Variants in CLK1 observed in about 807,000 individuals in gnomAD.
CLK1 encodes CDC like kinase 1, also known as dual specificity protein kinase CLK1.
A neutral mutation model predicts 60.9 loss-of-function variants in CLK1; 40 were observed. The ratio of observed to expected loss-of-function variants is 0.66; its 90% confidence interval spans 0.51 to 0.86. The LOEUF is 0.86. Ranked by LOEUF, CLK1 falls within the 40% of genes least tolerant of loss-of-function variation. The probability of loss-of-function intolerance (pLI) is 0.00; values close to 1 mark genes in which losing one functional copy is unlikely to be tolerated. For missense variants in CLK1, 563 were observed against 606.1 expected, an observed-to-expected ratio of 0.93 and a Z score of 0.75; for synonymous variants, 203 against 184.4, an observed-to-expected ratio of 1.10 and a Z score of -0.82.
chr2:200,855,407 G>A (rs2039021925), intron 9 of CLK1, among the ~76,000 whole-genome samples: 1 of 152,042 alleles, frequency 6.6e-6, no homozygotes, highest in Non-Finnish European at 1.5e-5. Context: ...TGGAACACGA[G>A]GGCAGGAGAT....
At chr2:200,860,902 C>T (rs905952588) in intron 3 of CLK1, 46 of 1,092,444 alleles carry the variant, frequency 4.2e-5, no homozygotes, top group Non-Finnish European at 3.5e-5. Context: ...TTTGTGATTT[C>T]AATAGATCAA....
chr2:200,854,582 G>T, intron 11 of CLK1, 34 bp downstream of exon 11: 26 of 1,185,598 alleles, frequency 2.2e-5, no homozygotes, highest in Non-Finnish European at 3.3e-5. Context: ...GTGATCAAAT[G>T]ATACTAAGGA....
At chr2:200,854,950 A>G (rs913769676) in intron 10 of CLK1, 54 bp downstream of exon 10, 9 of 1,368,668 alleles carry the variant, frequency 6.6e-6, no homozygotes, top group African/African-American at 4.3e-5. Context: ...TTATTCATAT[A>G]AACAGGCACC....
In CLK1 at chr2:200,859,595, C is replaced by T. The variant is rs941121121; in HGVS notation, c.548+85G>A. Reference sequence around the variant, plus strand: ...AAAGGGTATAAAGATATGTATCTAACTCATGGTCAGACCACTTTCTAAAGC... The same window carrying T: ...AAAGGGTATAAAGATATGTATCTAATTCATGGTCAGACCACTTTCTAAAGC... On this transcript the variant is annotated intron_variant, in intron 5 of 12. Coordinates refer to ENST00000321356, the MANE Select transcript of CLK1 (RefSeq NM_004071.4). 20 of 1,066,238 alleles carry T rather than the reference C, an allele frequency of 1.9e-5. No individual in the cohort carries two copies. The African/African-American group carries it at 3.2e-4, about 17-fold the overall frequency. The allele number at this position is 1,066,238 out of a possible 1,614,324, so 66.0% of individuals were successfully genotyped here. A position where few individuals can be genotyped will look rare whatever the true frequency, so the allele number is the denominator to read the frequency against.
At chr2:200,854,787 C>A in intron 10 of CLK1, 92 bp from the exon 11 acceptor site, 1 of 967,118 alleles carries the variant, frequency 1.0e-6, no homozygotes, top group South Asian at 1.4e-5. Context: ...TTAAGGCTTG[C>A]AGAACAAACT....
intron 9 of CLK1, among the ~76,000 whole-genome samples, chr2:200,855,868 G>C (rs528328842): frequency 6.6e-6 from 1 of 150,988 alleles, no homozygotes; most frequent in Non-Finnish European, 1.5e-5. Context: ...AATTAACCGG[G>C]TGTGGTGGTG....
intron 5 of CLK1, 48 bp from the exon 6 acceptor site, chr2:200,858,137 A>C (rs747120766): frequency 8.5e-7 from 1 of 1,177,948 alleles, no homozygotes. Context: ...CATGATGCTC[A>C]ATTCCAGGTA....
chr2:200,854,547 AAAAAT>A, intron 11 of CLK1, 64 bp downstream of exon 11: 1 of 1,043,494 alleles, frequency 9.6e-7, no homozygotes, highest in Non-Finnish European at 1.5e-6. Context: ...AAAAAAAAAA[AAAAAT>A]TAAGTTCTAA....
At chr2:200,860,565 T>A in intron 3 of CLK1, 1 of 1,022,982 alleles carries the variant, frequency 9.8e-7, no homozygotes, top group Non-Finnish European at 1.2e-6. Context: ...TCTAATTTAA[T>A]GTTGCAAAAT....
chr2:200,861,306 T>C lies in CLK1; in HGVS notation c.322A>G (p.Ser108Gly). 6.2e-7 allele frequency: 1 copy of C among 1,614,182 alleles called. No individual in the cohort carries two copies. Among genetic ancestry groups the C allele is most frequent in the Non-Finnish European group, 8.5e-7 (1 of 1,180,012 alleles). Residue 108 changes from serine (S) to glycine (G), a missense_variant, in exon 3 of 13, where the codon AGT (serine) becomes GGT (glycine). Ser to Gly is a moderately conservative substitution (Grantham distance 56). Around this residue, in one of 3 missense-constraint regions of CLK1, gnomAD observed 198 missense variants for 179.2 expected, o/e 1.10. Transcript: ENST00000321356. ...QNHSSKSSGR[S>G]GRSSYKSKHR... is the part of the protein sequence containing the mutation. Reference sequence around the variant, plus strand: ...TTGCTTTTATAACTACTTCTTCCACTTCTACCAGAAGACTTGCTACTATGG... The same window carrying C: ...TTGCTTTTATAACTACTTCTTCCACCTCTACCAGAAGACTTGCTACTATGG...
chr2:200,861,773 T>C lies in CLK1; in HGVS notation c.90A>G (p.Arg30=), dbSNP rs752092991. ...GKWRSSSSHK[R]RKRSHSSAQE... is the part of the protein sequence containing the mutation. The stretch of plus-strand genomic sequence containing the variant: ...GGGCACTGCTATGTGATCTCTTCCT[T>C]CTTTTATGACTGCTGCTGCTCCTCC... Residue 30 remains arginine (R), a synonymous_variant, in exon 2 of 13, where the codon AGA becomes AGG. Coordinates refer to ENST00000321356, the MANE Select transcript of CLK1 (RefSeq NM_004071.4). 5 of 1,613,920 alleles carry C rather than the reference T, an allele frequency of 3.1e-6. No homozygotes were observed. In the African/African-American group the frequency reaches 4.0e-5, roughly 13 times the overall value.
chr2:200,853,366 T>C lies in CLK1; in HGVS notation c.1395A>G (p.Arg465=). The change falls in exon 13 of 13, where the codon AGA becomes AGG. Residue 465 remains arginine (R), a synonymous_variant. Coordinates refer to ENST00000321356, the MANE Select transcript of CLK1 (RefSeq NM_004071.4). ...QKMLEYDPAK[R]ITLREALKHP... is the part of the protein sequence containing the mutation. The stretch of plus-strand genomic sequence containing the variant: ...GCTTTAAGGCTTCTCTGAGAGTAAT[T>C]CTTTTGGCTGGATCATACTCCAACA... The C allele has an allele frequency of 6.2e-7, 1 of 1,613,452 alleles. No individual in the cohort carries two copies. Among genetic ancestry groups the C allele is most frequent in the Non-Finnish European group, 8.5e-7 (1 of 1,179,620 alleles).
At chr2:200,860,011 TA>T in intron 4 of CLK1, 113 bp downstream of exon 4, 3 of 1,465,380 alleles carry the variant, frequency 2.0e-6, no homozygotes, top group Non-Finnish European at 2.7e-6. Flanking sequence ...AATGGAAAAA[TA>T]AAACAAAAAC....
In CLK1 at chr2:200,853,052, T is replaced by TAG. The variant is rs1165027924; in HGVS notation, c.*252_*253dup. On this transcript the variant is annotated 3_prime_UTR_variant, in exon 13 of 13. Transcript: ENST00000321356. The stretch of plus-strand genomic sequence containing the variant: ...TAGAAGTAGGAAGAAAAATGGTACT[T>TAG]AGAACAAACTGTTCAGATACATATC... 1 of 286,812 alleles carries TAG rather than the reference T, an allele frequency of 3.5e-6. No homozygotes were observed. Among genetic ancestry groups the TAG allele is most frequent in the Non-Finnish European group, 6.4e-6 (1 of 156,752 alleles). 17.8% of individuals were successfully genotyped at this position (286,812 alleles called of 1,614,324 possible).
chr2:200,855,318 T>TAA (rs2039020465), intron 9 of CLK1, among the ~76,000 whole-genome samples: 1 of 151,428 alleles, frequency 6.6e-6, no homozygotes, highest in Non-Finnish European at 1.5e-5. Flanking sequence ...TCTATTAAGA[T>TAA]ATATATATAT....
In CLK1 at chr2:200,854,985, A is replaced by T. The variant is rs2039014993; in HGVS notation, c.1140+19T>A. On this transcript the variant is annotated intron_variant, in intron 10 of 12. Coordinates refer to ENST00000321356, the MANE Select transcript of CLK1 (RefSeq NM_004071.4). ...CTTTCTTGTGCAAAGCAAGGTTGAA[A>T]TAGATCATTGTCACTTACTGGAAAT... The T allele has an allele frequency of 1.3e-6, 2 of 1,588,298 alleles. No homozygotes were observed. Among genetic ancestry groups the T allele is most frequent in the African/African-American group, 1.4e-5 (1 of 73,980 alleles).
rs144181237 is a variant in CLK1 at position 200,856,906 on chromosome 2, C to T, written c.912G>A (p.Ala304=). The T allele has an allele frequency of 2.2e-4, 359 of 1,613,956 alleles. No homozygotes were observed. The highest frequency in any genetic ancestry group is 8.2e-4 in the Middle Eastern group (5 of 6,084). The part of the protein sequence containing the change: ...ILFVQSDYTE[A]YNPKIKRDER... ...GAAGACTTACTATTTTGGGATTATACGCCTCTGTGTAGTCAGACTGCACAA... is the reference window on the plus strand; with the variant it reads ...GAAGACTTACTATTTTGGGATTATATGCCTCTGTGTAGTCAGACTGCACAA... The change falls in exon 8 of 13, where the codon GCG becomes GCA. Residue 304 remains alanine (A), a synonymous_variant. Transcript: ENST00000321356.
chr2:200,862,483 G>A (rs2039155289), intron 1 of CLK1, among the ~76,000 whole-genome samples: 1 of 151,698 alleles, frequency 6.6e-6, no homozygotes, highest in South Asian at 2.1e-4. Context: ...TACTTTGTGA[G>A]ATCCGCCCCC....
intron 9 of CLK1, among the ~76,000 whole-genome samples, chr2:200,855,642 T>C (rs1437335277): frequency 9.9e-5 from 14 of 141,470 alleles, no homozygotes; most frequent in Non-Finnish European, 1.7e-4. Context: ...AAAAATTATA[T>C]ATATACACAT....
Sources: gnomAD v4.1 joint callset for allele counts (sites outside exome capture counted in the v4.1 genomes callset) on GRCh38, gnomAD v4.1.1 for gene constraint, gnomAD v4.1.1 regional missense constraint, MANE v1.5 for transcripts, NCBI Gene and HGNC (gene_info 2026-07-23, HGNC 2026-07-21) for gene names.